FN3KRP: variants seen among roughly 807,000 people sequenced by gnomAD.
FN3KRP encodes ketosamine-3-kinase.
Under a neutral mutation model 29.8 loss-of-function variants are expected in FN3KRP, and 33 were observed. The observed-to-expected ratio is 1.11, with a 90% CI of 0.84 to 1.48. The LOEUF (loss-of-function observed/expected upper bound fraction) is 1.48. Ranked by LOEUF, FN3KRP falls within the 40% of genes most tolerant of loss-of-function variation. The pLI, the probability that FN3KRP is intolerant of heterozygous loss-of-function variation, is 0.00. For missense variants in FN3KRP, 430 were observed against 402.6 expected, an observed-to-expected ratio of 1.07 and a Z score of -0.58; for synonymous variants, 157 against 155.2, an observed-to-expected ratio of 1.01 and a Z score of -0.09.
intron 1 of FN3KRP, chr17:82,718,485 G>A: frequency 1.0e-6 from 1 of 990,736 alleles, no homozygotes; most frequent in Non-Finnish European, 1.2e-6. Flanking sequence ...CAGCCAGGGT[G>A]CCGCCTGCAC....
chr17:82,717,542 A>ACT (rs1555663678), intron 1 of FN3KRP, among the ~76,000 whole-genome samples: 2 of 152,002 alleles, frequency 1.3e-5, no homozygotes, highest in Non-Finnish European at 2.9e-5. Flanking sequence ...ACAAGGTGAA[A>ACT]CCCCCGTCTC....
intron 1 of FN3KRP, among the ~76,000 whole-genome samples, chr17:82,717,416 C>G (rs975280923): frequency 2.6e-5 from 4 of 152,184 alleles, no homozygotes; most frequent in African/African-American, 9.7e-5. Flanking sequence ...CATGCTCTGT[C>G]CTTCTGTTAG....
At chr17:82,723,559 ATGTGTATGTG>A (rs1324817986) in intron 4 of FN3KRP, among the ~76,000 whole-genome samples, 1 of 144,358 alleles carries the variant, frequency 6.9e-6, no homozygotes, top group Admixed American at 6.6e-5. Context: ...CTGTGCGCAT[ATGTGTATGTG>A]TGTGCATGTG....
At chr17:82,724,653 A>G (rs979174278) in intron 4 of FN3KRP, among the ~76,000 whole-genome samples, 1 of 152,040 alleles carries the variant, frequency 6.6e-6, no homozygotes, top group Non-Finnish European at 1.5e-5. Context: ...TAGTACAGTC[A>G]GATATCTTCT....
At position 82,716,718 on chromosome 17, in the gene FN3KRP, C is replaced by A; in HGVS notation, c.-38C>A. 4 of 1,462,018 alleles carry A rather than the reference C, an allele frequency of 2.7e-6. No homozygotes were observed. The highest frequency in any genetic ancestry group is 3.6e-6 in the Non-Finnish European group (4 of 1,113,850). 90.6% of individuals were successfully genotyped at this position (1,462,018 alleles called of 1,614,324 possible). On this transcript the variant is annotated 5_prime_UTR_variant, in exon 1 of 6. Coordinates refer to ENST00000269373, the MANE Select transcript of FN3KRP (RefSeq NM_024619.4). ...GCTCGGCCGCCGTCTCTCGAGTCTC[C>A]GCCAGATCCGGGGCGGGTCCGCGGC...
At chr17:82,718,678 G>A (rs1275526401) in intron 1 of FN3KRP, 1 of 1,266,260 alleles carries the variant, frequency 7.9e-7, no homozygotes. Flanking sequence ...GCACACAAGT[G>A]TAGTCCAACA....
chr17:82,724,240 G>T (rs1295521284), intron 4 of FN3KRP, among the ~76,000 whole-genome samples: 2 of 152,142 alleles, frequency 1.3e-5, no homozygotes, highest in African/African-American at 4.8e-5. Context: ...GCTGCAGTGA[G>T]CTGTGATTGC....
rs144595006 is a variant in FN3KRP, at chr17:82,716,887, C to T, written c.132C>T (p.Pro44=). 10 of 1,566,442 alleles carry T rather than the reference C, an allele frequency of 6.4e-6. No individual in the cohort carries two copies. In the African/African-American group the frequency reaches 1.4e-4, roughly 22 times the overall value. ...GACGAGTGTTCGTGAAAGTGAACCC[C>T]AAGGCGGAGGTCAGGCAGCGGGTCG... The part of the protein sequence containing the change: ...DQGRVFVKVN[P]KAEARRMFEG... Residue 44 remains proline (P), a synonymous_variant, in exon 1 of 6, where the codon CCC becomes CCT. Transcript: ENST00000269373.
At chr17:82,723,611 A>G (rs111725082) in intron 4 of FN3KRP, among the ~76,000 whole-genome samples, 7 of 151,188 alleles carry the variant, frequency 4.6e-5, no homozygotes, top group African/African-American at 7.3e-5. Context: ...ATGTGCACGC[A>G]TGTGTGCATA....
In FN3KRP at chr17:82,726,597, C is replaced by G; in HGVS notation, c.586C>G (p.Leu196Val). ...DREALQLWSALQLKIPDLFRD... is the reference protein window; with the variant it reads ...DREALQLWSAVQLKIPDLFRD... ...GGAGGCCCTCCAGCTTTGGTCTGCT[C>G]TGCAGGTGAGTGGGGCCCCACTGCA... is the stretch of plus-strand genomic sequence containing the variant. The change falls in exon 5 of 6, where the codon CTG (leucine) becomes GTG (valine). Residue 196 changes from leucine (L) to valine (V), a missense_variant. By Grantham distance (32) the Leu-to-Val change is conservative (BLOSUM62 1). Transcript: ENST00000269373. 1.2e-6 allele frequency: 2 copies of G among 1,611,842 alleles called. No homozygotes were observed. The highest frequency in any genetic ancestry group is 1.7e-6 in the Non-Finnish European group (2 of 1,178,910).
rs898855165 is a variant in FN3KRP at position 82,718,928 on chromosome 17, A to T, written c.164A>T (p.Glu55Val). 1 of 1,614,012 alleles carries T rather than the reference A, an allele frequency of 6.2e-7. No individual in the cohort carries two copies. ...KAEARRMFEG[E>V]MASLTAILKT... ...CAGGCCAGAAGAATGTTTGAAGGTG[A>T]GATGGCAAGTTTAACTGCCATCCTG... The change falls in exon 2 of 6, where the codon GAG (glutamate) becomes GTG (valine). Residue 55 changes from glutamate (E) to valine (V), a missense_variant. By Grantham distance (121) the Glu-to-Val change is moderately radical. Coordinates refer to ENST00000269373, the MANE Select transcript of FN3KRP (RefSeq NM_024619.4).
At chr17:82,716,950 G>T (rs2046759885) in intron 1 of FN3KRP, 54 bp downstream of exon 1, 2 of 1,524,350 alleles carry the variant, frequency 1.3e-6, no homozygotes, top group African/African-American at 1.6e-5. Context: ...GGAGAGGGTC[G>T]CGGGCCTCGG....
At chr17:82,718,337 G>A (rs550300420) in intron 1 of FN3KRP, 3 of 898,164 alleles carry the variant, frequency 3.3e-6, no homozygotes, top group African/African-American at 3.6e-5. Context: ...GGGGACCCAA[G>A]GGAGGAGTTG....
chr17:82,717,898 ATGTT>A (rs1006221466), intron 1 of FN3KRP, among the ~76,000 whole-genome samples: 9 of 151,328 alleles, frequency 5.9e-5, no homozygotes, highest in Admixed American at 1.3e-4. Context: ...GTATGTGTGT[ATGTT>A]TGTAATGTTT....
At chr17:82,721,680 T>A (rs1167660233) in intron 3 of FN3KRP, among the ~76,000 whole-genome samples, 1 of 150,650 alleles carries the variant, frequency 6.6e-6, no homozygotes, top group African/African-American at 2.4e-5. Flanking sequence ...TTTTTTGTAT[T>A]TTTAGTAGAG....
rs1448466998 is a variant in FN3KRP, at chr17:82,727,293, G to T, written c.*122G>T. The T allele has an allele frequency of 8.0e-6, 7 of 873,140 alleles. No homozygotes were observed. In the East Asian group the frequency reaches 1.5e-4, roughly 19 times the overall value. The allele number at this position is 873,140 out of a possible 1,614,324, so 54.1% of individuals were successfully genotyped here. A position where few individuals can be genotyped will look rare whatever the true frequency, so the allele number is the denominator to read the frequency against. On this transcript the variant is annotated 3_prime_UTR_variant, in exon 6 of 6. Coordinates refer to ENST00000269373, the MANE Select transcript of FN3KRP (RefSeq NM_024619.4). ...ATGCAGTAGCTTATTTCCAAGCCTTGCAAAGTATATAATATCTAAGAGGAA... is the reference window on the plus strand; with the variant it reads ...ATGCAGTAGCTTATTTCCAAGCCTTTCAAAGTATATAATATCTAAGAGGAA...
chr17:82,723,001 A>AT (rs2046809441), intron 4 of FN3KRP, 115 bp downstream of exon 4: 1 of 924,608 alleles, frequency 1.1e-6, no homozygotes, highest in Admixed American at 2.8e-5. Context: ...TATTTGCACC[A>AT]TTTTTTCTTT....
chr17:82,725,000 A>G (rs1598335522), intron 4 of FN3KRP, among the ~76,000 whole-genome samples: 3 of 150,706 alleles, frequency 2.0e-5, no homozygotes, highest in South Asian at 2.1e-4. Context: ...TTTAGTAGAG[A>G]TGGGGTTCCA....
At chr17:82,725,493 A>C (rs1243404187) in intron 4 of FN3KRP, among the ~76,000 whole-genome samples, 1 of 151,980 alleles carries the variant, frequency 6.6e-6, no homozygotes, top group Non-Finnish European at 1.5e-5. Context: ...GCTGTCACCC[A>C]GGCTAGAGTG....
Sources: gnomAD v4.1 joint callset for allele counts (sites outside exome capture counted in the v4.1 genomes callset) on GRCh38, gnomAD v4.1.1 for gene constraint, MANE v1.5 for transcripts, NCBI Gene and HGNC (gene_info 2026-07-23, HGNC 2026-07-21) for gene names.